The following PCDHA7 variants were observed in gnomAD, a reference collection of about 807,000 sequenced individuals.
PCDHA7 encodes protocadherin alpha 7.
In PCDHA7, 37 loss-of-function variants were observed where a neutral mutation model predicts 57.2. The ratio of observed to expected loss-of-function variants is 0.65; its 90% CI spans 0.50 to 0.85. The LOEUF (loss-of-function observed/expected upper bound fraction) is 0.85. Among genes scored for constraint, PCDHA7 ranks in the 40% least tolerant of loss-of-function variants. PCDHA7 has a pLI of 0.00. For synonymous variants in PCDHA7, 553 were observed against 558.8 expected (o/e 0.99, Z 0.15); for missense variants, 1,188 against 1,241.8 (o/e 0.96, Z 0.65).
At position 140,917,056 on chromosome 5, in the gene PCDHA7, T is replaced by C. The variant is rs539112715; in HGVS notation, c.2356-61893T>C. Among the ~76,000 whole-genome samples the C allele has an allele frequency of 5.9e-5, 9 of 152,280 alleles. No individual in the cohort carries two copies. The East Asian group carries it at 1.7e-3, about 29-fold the overall frequency. On this transcript the variant is annotated intron_variant, in intron 1 of 3. Transcript: ENST00000525929. ...AGTCCAGCACAGTGTTGTTCCCTGCTACGACAGCACCGAGTTTAATGTAAA... is the reference window on the plus strand; with the variant it reads ...AGTCCAGCACAGTGTTGTTCCCTGCCACGACAGCACCGAGTTTAATGTAAA...
chr5:140,967,472 G>A, intron 1 of PCDHA7: 1 of 1,613,430 alleles, frequency 6.2e-7, no homozygotes, highest in Non-Finnish European at 8.5e-7. Flanking sequence ...GGGCATCCCA[G>A]CCCGCTCGGG....
chr5:140,840,795 A>T (rs1395855837), intron 1 of PCDHA7, among the ~76,000 whole-genome samples: 1 of 152,122 alleles, frequency 6.6e-6, no homozygotes, highest in African/African-American at 2.4e-5. Flanking sequence ...TGCTCACCTC[A>T]GAGTAATATA....
chr5:140,916,210 A>G, intron 1 of PCDHA7, among the ~76,000 whole-genome samples: 1 of 152,210 alleles, frequency 6.6e-6, no homozygotes, highest in East Asian at 1.9e-4. Context: ...GCCCTGGGGA[A>G]GATCCAAATA....
intron 1 of PCDHA7, among the ~76,000 whole-genome samples, chr5:140,839,780 T>G (rs1258121900): frequency 2.0e-5 from 3 of 152,092 alleles, no homozygotes; most frequent in African/African-American, 7.2e-5. Context: ...GGTAAGAATT[T>G]TGTAGAAATT....
At chr5:140,950,706 G>A (rs72802969) in intron 1 of PCDHA7, among the ~76,000 whole-genome samples, 841 of 152,058 alleles carry the variant, frequency 5.5e-3, no homozygotes, top group Middle Eastern at 0.017. Flanking sequence ...ACAAATTTTT[G>A]TTCCTTATAT....
rs567366418 is a variant in PCDHA7 at position 140,912,439 on chromosome 5, G to T, written c.2356-66510G>T. 2.6e-5 allele frequency among the ~76,000 whole-genome samples: 4 copies of T among 151,104 alleles called. No individual in the cohort carries two copies. The East Asian group carries it at 7.8e-4, about 29-fold the overall frequency. On this transcript the variant is annotated intron_variant, in intron 1 of 3. Transcript: ENST00000525929. ...TGGTGTATAGCAGTGTTGCTGATTT[G>T]TGTGCATTGATTTTGTATCCTGGAA...
rs538322622 is a variant in PCDHA7 at position 140,884,083 on chromosome 5, G to T, written c.2355+47345G>T. 35 of 1,613,596 alleles carry T rather than the reference G, an allele frequency of 2.2e-5. No individual in the cohort carries two copies. The South Asian group carries it at 3.6e-4, about 17-fold the overall frequency. On this transcript the variant is annotated intron_variant, in intron 1 of 3. Coordinates refer to ENST00000525929, the MANE Select transcript of PCDHA7 (RefSeq NM_018910.3). The stretch of plus-strand genomic sequence containing the variant: ...TGGACGCCGATTCGGGCTACAATGC[G>T]TGGCTTTCGTATGAATTGCAGCTGG...
intron 1 of PCDHA7, among the ~76,000 whole-genome samples, chr5:140,897,595 A>C (rs2066215346): frequency 6.6e-6 from 1 of 152,132 alleles, no homozygotes; most frequent in Admixed American, 6.5e-5. Context: ...TCATTGTTGG[A>C]CATTTGGGTT....
intron 3 of PCDHA7, among the ~76,000 whole-genome samples, chr5:140,988,745 G>A (rs943188955): frequency 3.9e-5 from 6 of 152,152 alleles, no homozygotes; most frequent in Non-Finnish European, 5.9e-5. Flanking sequence ...TCTAGGATTG[G>A]TGGCCTGGGC....
intron 1 of PCDHA7, chr5:140,863,305 T>C: frequency 1.4e-6 from 2 of 1,463,102 alleles, no homozygotes; most frequent in Non-Finnish European, 1.9e-6. Context: ...CATCGCCATC[T>C]GCGTGGTGTC....
In PCDHA7 at chr5:140,849,948, C is replaced by T. The variant is rs2150459540; in HGVS notation, c.2355+13210C>T. ...GGTGTCTGCGCGGGACGCTGACGCG[C>T]AGGAGAACGCCCTGGTGTCCTACTC... On this transcript the variant is annotated intron_variant, in intron 1 of 3. Coordinates refer to ENST00000525929, the MANE Select transcript of PCDHA7 (RefSeq NM_018910.3). 4 of 1,597,728 alleles carry T rather than the reference C, an allele frequency of 2.5e-6. 1 individual carries two copies. The East Asian group carries it at 8.9e-5, about 36-fold the overall frequency.
At position 140,904,654 on chromosome 5, in the gene PCDHA7, G is replaced by C. The variant is rs554492367; in HGVS notation, c.2355+67916G>C. On this transcript the variant is annotated intron_variant, in intron 1 of 3. Coordinates refer to ENST00000525929, the MANE Select transcript of PCDHA7 (RefSeq NM_018910.3). ...AGGAATCTCCACACTGTTTTCCATAGTGGTTGTACTAGTTTACATTCCCAC... is the reference window on the plus strand; with the variant it reads ...AGGAATCTCCACACTGTTTTCCATACTGGTTGTACTAGTTTACATTCCCAC... Among the ~76,000 whole-genome samples, 175 of 152,122 alleles carry C rather than the reference G, an allele frequency of 1.2e-3. 1 individual carries two copies. The highest frequency in any genetic ancestry group is 3.4e-3 in the Middle Eastern group (1 of 294).
chr5:141,009,269 A>G (rs2098404104), intron 3 of PCDHA7, among the ~76,000 whole-genome samples: 1 of 152,140 alleles, frequency 6.6e-6, no homozygotes, highest in Non-Finnish European at 1.5e-5. Flanking sequence ...AGCCTGGGCA[A>G]CATAGTGAGA....
rs1203215461 is a variant in PCDHA7 at position 140,841,541 on chromosome 5, C to A, written c.2355+4803C>A. The stretch of plus-strand genomic sequence containing the variant: ...GGTGGCGTCCAAAAGACACCGGGAC[C>A]TTCTGGAGGTAAGTCTGCAGAATGG... On this transcript the variant is annotated intron_variant, in intron 1 of 3. Transcript: ENST00000525929. 1 of 1,613,604 alleles carries A rather than the reference C, an allele frequency of 6.2e-7. No individual in the cohort carries two copies. The highest frequency in any genetic ancestry group is 8.5e-7 in the Non-Finnish European group (1 of 1,180,002).
intron 1 of PCDHA7, chr5:140,967,878 A>G: frequency 6.2e-7 from 1 of 1,614,152 alleles, no homozygotes; most frequent in Non-Finnish European, 8.5e-7. Flanking sequence ...ACGGACCTGT[A>G]TAGCCCAGTG....
At chr5:141,005,313 T>C (rs1157761147) in intron 3 of PCDHA7, among the ~76,000 whole-genome samples, 1 of 151,958 alleles carries the variant, frequency 6.6e-6, no homozygotes, top group Non-Finnish European at 1.5e-5. Flanking sequence ...AATCTTACAG[T>C]GGTAGAGAAT....
At chr5:140,895,835 A>G (rs782780692) in intron 1 of PCDHA7, among the ~76,000 whole-genome samples, 3 of 152,096 alleles carry the variant, frequency 2.0e-5, no homozygotes, top group Non-Finnish European at 4.4e-5. Context: ...TTTTCAGACA[A>G]AGTCTCACTC....
At chr5:140,863,208 C>T in intron 1 of PCDHA7, 2 of 990,676 alleles carry the variant, frequency 2.0e-6, no homozygotes, top group Non-Finnish European at 3.1e-6. Context: ...TGGCGGAGAG[C>T]AGCCAAGCGA....
intron 1 of PCDHA7, chr5:140,927,149 T>C: frequency 1.2e-6 from 2 of 1,614,168 alleles, no homozygotes; most frequent in Non-Finnish European, 1.7e-6. Context: ...CGCGAACAGC[T>C]GTGCAGGGCC....
Sources: gnomAD v4.1 joint callset for allele counts (sites outside exome capture counted in the v4.1 genomes callset) on GRCh38, gnomAD v4.1.1 for gene constraint, MANE v1.5 for transcripts, NCBI Gene and HGNC (gene_info 2026-07-23, HGNC 2026-07-21) for gene names.